Variants in CEP128 observed in about 807,000 individuals in gnomAD.
CEP128 encodes centrosomal protein 128kDa.
In CEP128, 132 loss-of-function variants were observed where a neutral mutation model predicts 156.7. That is an observed-to-expected ratio of 0.84 (90% confidence interval 0.73 to 0.97). The LOEUF is 0.97. Among genes scored for constraint, CEP128 ranks in the 50% least tolerant of loss-of-function variants. The pLI, the probability that CEP128 is intolerant of heterozygous loss-of-function variation, is 0.00. For synonymous variants in CEP128, 469 were observed against 448.9 expected (o/e 1.04, Z -0.57); for missense variants, 1,252 against 1,281.9 (o/e 0.98, Z 0.36).
chr14:80,790,945 AATT>A (rs1901675138), intron 14 of CEP128, among the ~76,000 whole-genome samples: 1 of 152,122 alleles, frequency 6.6e-6, no homozygotes, highest in Non-Finnish European at 1.5e-5. Flanking sequence ...AAATCAGTAT[AATT>A]TTTATTTTAA....
Position 80,831,135 on chromosome 14 carries a change from A to G in CEP128, c.1209+8T>C. 1.2e-6 allele frequency: 2 copies of G among 1,613,310 alleles called. No individual in the cohort carries two copies. The highest frequency in any genetic ancestry group is 1.7e-6 in the Non-Finnish European group (2 of 1,179,260). ...ATTTCGAATATGACTTAAAAAGAGC[A>G]AAGTCACCTCTACTTGTGATGCCAA... On this transcript the variant is annotated splice_region_variant and intron_variant, in intron 13 of 24. Coordinates refer to ENST00000555265, the MANE Select transcript of CEP128 (RefSeq NM_152446.5).
intron 8 of CEP128, 127 bp from the exon 9 acceptor site, chr14:80,863,000 C>T (rs1209546862): frequency 1.7e-6 from 1 of 576,356 alleles, no homozygotes; most frequent in Non-Finnish European, 2.9e-6. Flanking sequence ...GTTTGCAAAG[C>T]CCCTTCTAAT....
intron 19 of CEP128, among the ~76,000 whole-genome samples, chr14:80,615,338 AGCAGATGACCCTCTTG>A (rs1893165618): frequency 6.6e-6 from 1 of 152,228 alleles, no homozygotes; most frequent in Non-Finnish European, 1.5e-5. Flanking sequence ...TAATTTTGCC[AGCAGATGACCCTCTTG>A]GCTAGCCAGG....
chr14:80,939,326 C>T (rs563365640), intron 2 of CEP128, 59 bp downstream of exon 2: 1 of 138,698 alleles, frequency 7.2e-6, no homozygotes, highest in East Asian at 2.3e-4. Context: ...ATAGTCTTTT[C>T]TACCATAAAT....
chr14:80,795,554 G>A (rs1883412991), intron 13 of CEP128, among the ~76,000 whole-genome samples: 1 of 152,102 alleles, frequency 6.6e-6, no homozygotes, highest in African/African-American at 2.4e-5. Context: ...CCTACATCAG[G>A]TTGAGTCCTG....
chr14:80,941,330 AG>A (rs1314709305), intron 1 of CEP128, among the ~76,000 whole-genome samples: 1 of 152,162 alleles, frequency 6.6e-6, no homozygotes, highest in East Asian at 1.9e-4. Flanking sequence ...AGGACAATGT[AG>A]TCCAGATTCG....
chr14:80,779,154 A>G (rs1900961412), intron 15 of CEP128, among the ~76,000 whole-genome samples: 1 of 152,246 alleles, frequency 6.6e-6, no homozygotes, highest in African/African-American at 2.4e-5. Context: ...ACAGTCTGTA[A>G]GCAATCACAT....
intron 10 of CEP128, 141 bp from the exon 11 acceptor site, chr14:80,838,419 C>T (rs1886193610): frequency 3.3e-6 from 2 of 603,328 alleles, no homozygotes; most frequent in South Asian, 4.1e-5. Flanking sequence ...AAATATCTCA[C>T]TATGAACATA....
chr14:80,690,501 T>C (rs765630885), intron 19 of CEP128, among the ~76,000 whole-genome samples: 5 of 151,416 alleles, frequency 3.3e-5, no homozygotes, highest in Non-Finnish European at 7.4e-5. Context: ...CAATGATAGG[T>C]GCTGGCGTGG....
chr14:80,534,385 G>C (rs558513666), intron 21 of CEP128, among the ~76,000 whole-genome samples: 1 of 152,328 alleles, frequency 6.6e-6, no homozygotes, highest in African/African-American at 2.4e-5. Context: ...CTGTATTTCA[G>C]AGATGTCATG....
At chr14:80,540,306 TTC>T (rs1566767394) in intron 21 of CEP128, among the ~76,000 whole-genome samples, 1 of 151,364 alleles carries the variant, frequency 6.6e-6, no homozygotes, top group African/African-American at 2.4e-5. Flanking sequence ...GCTGTAAAAT[TTC>T]TCTCTTTGTA....
chr14:80,933,782 C>T (rs1885625888), intron 2 of CEP128, among the ~76,000 whole-genome samples: 1 of 152,110 alleles, frequency 6.6e-6, no homozygotes, highest in African/African-American at 2.4e-5. Flanking sequence ...AAAGCAGTCT[C>T]AGTAAAATGC....
chr14:80,838,199 C>G lies in CEP128; in HGVS notation c.924+5G>C. 1 of 1,596,440 alleles carries G rather than the reference C, an allele frequency of 6.3e-7. No individual in the cohort carries two copies. Among genetic ancestry groups the G allele is most frequent in the Non-Finnish European group, 8.6e-7 (1 of 1,164,150 alleles). On this transcript the variant is annotated splice_donor_5th_base_variant and intron_variant, in intron 11 of 24. Coordinates refer to ENST00000555265, the MANE Select transcript of CEP128 (RefSeq NM_152446.5). ...AGTATATTATAATAACTTGCATAGA[C>G]TTACCTGATGCAAAAGTGTTTCTCG...
intron 21 of CEP128, among the ~76,000 whole-genome samples, chr14:80,539,760 T>A (rs1181206369): frequency 6.6e-6 from 1 of 152,120 alleles, no homozygotes; most frequent in Non-Finnish European, 1.5e-5. Context: ...GATGTGCAAG[T>A]AGGAGAGATA....
chr14:80,609,241 G>A (rs1892903287), intron 19 of CEP128, among the ~76,000 whole-genome samples: 1 of 151,990 alleles, frequency 6.6e-6, no homozygotes, highest in African/African-American at 2.4e-5. Context: ...TAAATATTAT[G>A]TAATTGGGAA....
intron 19 of CEP128, among the ~76,000 whole-genome samples, chr14:80,596,241 C>T (rs936548976): frequency 5.3e-5 from 8 of 151,950 alleles, no homozygotes; most frequent in African/African-American, 1.9e-4. Context: ...CTACAGAAAA[C>T]TCACCTAAAG....
chr14:80,820,055 A>G (rs527964578), intron 13 of CEP128, among the ~76,000 whole-genome samples: 40 of 152,304 alleles, frequency 2.6e-4, no homozygotes, highest in African/African-American at 6.0e-4. Context: ...CTCTACCTAC[A>G]TAACTATCCA....
chr14:80,678,049 A>AAATATAT lies in CEP128; in HGVS notation c.2806+65025_2806+65026insATATATT. The stretch of plus-strand genomic sequence containing the variant: ...ATGGACAGTTGCTCTATAAAAAAAA[A>AAATATAT]ATATATATATATATGTATATATATA... On this transcript the variant is annotated intron_variant, in intron 19 of 24. Coordinates refer to ENST00000555265, the MANE Select transcript of CEP128 (RefSeq NM_152446.5). Among the ~76,000 whole-genome samples the AAATATAT allele has an allele frequency of 1.6e-4, 16 of 98,492 alleles. No individual in the cohort carries two copies. In the South Asian group the frequency reaches 3.6e-3, roughly 22 times the overall value. 64.6% of individuals were successfully genotyped at this position (98,492 alleles called of 152,430 possible). A position where few individuals can be genotyped will look rare whatever the true frequency, so the allele number is the denominator to read the frequency against.
At chr14:80,666,330 G>T (rs188979475) in intron 19 of CEP128, among the ~76,000 whole-genome samples, 216 of 152,342 alleles carry the variant, frequency 1.4e-3, no homozygotes, top group African/African-American at 4.7e-3. Context: ...TGCCTTGTGC[G>T]AATTGGAGTT....
Sources: allele counts gnomAD v4.1 joint callset (sites outside exome capture counted in the v4.1 genomes callset), GRCh38; gene constraint gnomAD v4.1.1; transcripts MANE v1.5; gene names NCBI Gene and HGNC (gene_info 2026-07-23, HGNC 2026-07-21).